KANSL1L: variants seen among roughly 807,000 people sequenced by gnomAD.
The protein encoded by KANSL1L is KAT8 regulatory NSL complex subunit 1-like protein.
A neutral mutation model predicts 108.6 loss-of-function variants in KANSL1L; 25 were observed. The observed-to-expected ratio is 0.23, with a 90% CI of 0.17 to 0.32. The LOEUF is 0.32. KANSL1L is among the 10% of genes least tolerant of loss of function. The pLI is 1.00. For synonymous variants in KANSL1L, 405 were observed against 395.1 expected (o/e 1.03, Z -0.30); for missense variants, 1,137 against 1,125.7 (o/e 1.01, Z -0.14).
At chr2:210,121,815 T>C (rs1024356388) in intron 3 of KANSL1L, among the ~76,000 whole-genome samples, 2 of 152,102 alleles carry the variant, frequency 1.3e-5, no homozygotes, top group Non-Finnish European at 2.9e-5. Flanking sequence ...AAAAAACTAT[T>C]AAAACTGATA....
chr2:210,160,360 A>AG (rs774235407), intron 1 of KANSL1L, among the ~76,000 whole-genome samples: 9 of 152,168 alleles, frequency 5.9e-5, no homozygotes, highest in Non-Finnish European at 8.8e-5. Flanking sequence ...GAAAAAAAAA[A>AG]GAAATAAAAA....
chr2:210,024,353 T>TTATC, intron 13 of KANSL1L, 152 bp from the exon 14 acceptor site: 1 of 431,796 alleles, frequency 2.3e-6, no homozygotes, highest in East Asian at 3.6e-5. Context: ...GTGCTATTTA[T>TTATC]TATTTTCATA....
intron 5 of KANSL1L, among the ~76,000 whole-genome samples, chr2:210,092,662 CTTA>C (rs1191609153): frequency 1.3e-5 from 2 of 152,128 alleles, no homozygotes; most frequent in African/African-American, 4.8e-5. Context: ...TTGTGCACTC[CTTA>C]TTCTTACTCT....
chr2:210,122,954 T>A (rs2095034803), intron 3 of KANSL1L, among the ~76,000 whole-genome samples: 2 of 152,098 alleles, frequency 1.3e-5, no homozygotes, highest in Admixed American at 1.3e-4. Context: ...CTCAACATTG[T>A]TTATCATCAG....
chr2:210,153,115 G>A (rs1168804798), intron 2 of KANSL1L: 1 of 162,196 alleles, frequency 6.2e-6, no homozygotes, highest in African/African-American at 2.4e-5. Context: ...CAGCACTTTG[G>A]GAGGCCGAGG....
chr2:210,033,630 C>T (rs1029009853), intron 8 of KANSL1L, among the ~76,000 whole-genome samples: 1 of 151,806 alleles, frequency 6.6e-6, no homozygotes, highest in Non-Finnish European at 1.5e-5. Flanking sequence ...CCCGGGTTCA[C>T]GCCATTCTCC....
intron 8 of KANSL1L, among the ~76,000 whole-genome samples, chr2:210,037,451 A>C (rs768326774): frequency 6.6e-6 from 1 of 152,232 alleles, no homozygotes; most frequent in Non-Finnish European, 1.5e-5. Context: ...CGCATCATTA[A>C]AAGGTAACTG....
rs763938809 is a variant in KANSL1L, at chr2:210,075,603, G to C, written c.1704C>G (p.Phe568Leu). The change falls in exon 6 of 15, where the codon TTC (phenylalanine) becomes TTG (leucine). Residue 568 changes from phenylalanine to leucine, a missense_variant. Physicochemically the swap from Phe to Leu is conservative, Grantham distance 22 (BLOSUM62 0). Coordinates refer to ENST00000281772, the MANE Select transcript of KANSL1L (RefSeq NM_152519.4). ...TSARTRPLQS[F>L]HKRKLYRLSP... ...TCAATCTGTACAGTTTTCGTTTGTG[G>C]AAACTCTGAAGTGGCCTTGTTCGGG... The C allele has an allele frequency of 1.9e-6, 3 of 1,614,122 alleles. No homozygotes were observed. The highest frequency in any genetic ancestry group is 2.2e-5 in the South Asian group (2 of 91,082).
At chr2:210,144,690 C>T (rs967442684) in intron 2 of KANSL1L, among the ~76,000 whole-genome samples, 17 of 152,102 alleles carry the variant, frequency 1.1e-4, no homozygotes, top group Non-Finnish European at 2.1e-4. Context: ...TTCTGTTAAA[C>T]TCCTCATTTT....
chr2:210,050,951 C>G (rs1448125912), intron 6 of KANSL1L, among the ~76,000 whole-genome samples: 1 of 152,066 alleles, frequency 6.6e-6, no homozygotes, highest in African/African-American at 2.4e-5. Flanking sequence ...CCCCATGTTT[C>G]CCAGGCTGGT....
At chr2:210,117,850 C>G (rs2094969357) in intron 3 of KANSL1L, among the ~76,000 whole-genome samples, 1 of 152,080 alleles carries the variant, frequency 6.6e-6, no homozygotes, top group African/African-American at 2.4e-5. Flanking sequence ...TACAGCCTAG[C>G]AAGACTGTAT....
intron 5 of KANSL1L, among the ~76,000 whole-genome samples, chr2:210,094,194 A>T: frequency 6.6e-6 from 1 of 152,220 alleles, no homozygotes; most frequent in South Asian, 2.1e-4. Flanking sequence ...ATTTAAAAAT[A>T]GTTAAAATGG....
At chr2:210,057,664 C>T (rs140449937) in intron 6 of KANSL1L, among the ~76,000 whole-genome samples, 1,527 of 152,226 alleles carry the variant, frequency 0.01, 25 homozygotes, top group African/African-American at 0.035. Flanking sequence ...ATGGAGGGAC[C>T]GGCTGAAGCC....
At chr2:210,142,467 T>C (rs2095237301) in intron 2 of KANSL1L, among the ~76,000 whole-genome samples, 1 of 152,110 alleles carries the variant, frequency 6.6e-6, no homozygotes, top group African/African-American at 2.4e-5. Flanking sequence ...CAATCTTTTC[T>C]ATTGTTTTTC....
intron 6 of KANSL1L, chr2:210,063,662 T>C (rs1331475940): frequency 2.6e-5 from 4 of 152,140 alleles, no homozygotes; most frequent in African/African-American, 4.8e-5. Flanking sequence ...TTTGGACTTG[T>C]ATGGGGCCTG....
intron 5 of KANSL1L, among the ~76,000 whole-genome samples, chr2:210,087,344 C>T (rs767124450): frequency 6.6e-6 from 1 of 152,044 alleles, no homozygotes; most frequent in Non-Finnish European, 1.5e-5. Context: ...TTAAGAGAGG[C>T]CTTCTCTCTT....
intron 1 of KANSL1L, among the ~76,000 whole-genome samples, chr2:210,165,881 A>G (rs1687929052): frequency 6.6e-6 from 1 of 152,214 alleles, no homozygotes; most frequent in Non-Finnish European, 1.5e-5. Context: ...ACAGTAAGGT[A>G]AGATATTTTG....
At chr2:210,099,785 C>T (rs1001666957) in intron 4 of KANSL1L, among the ~76,000 whole-genome samples, 1 of 151,968 alleles carries the variant, frequency 6.6e-6, no homozygotes, top group African/African-American at 2.4e-5. Flanking sequence ...CTATCTTTAC[C>T]CTAAGAATCA....
chr2:210,151,240 C>T (rs1250500926), intron 2 of KANSL1L, among the ~76,000 whole-genome samples: 1 of 152,062 alleles, frequency 6.6e-6, no homozygotes, highest in Non-Finnish European at 1.5e-5. Context: ...AGGCTGGTCT[C>T]GAACTTCTGG....
Sources: allele counts gnomAD v4.1 joint callset (sites outside exome capture counted in the v4.1 genomes callset), GRCh38; gene constraint gnomAD v4.1.1; transcripts MANE v1.5; gene names NCBI Gene and HGNC (gene_info 2026-07-23, HGNC 2026-07-21).